Variants in SLC35E2B observed in about 807,000 individuals in gnomAD.
The protein encoded by SLC35E2B is solute carrier family 35 member E2B, also known as solute carrier family 35, member E2B.
A neutral mutation model predicts 32.4 loss-of-function variants in SLC35E2B; 18 were observed. The ratio of observed to expected loss-of-function variants is 0.56; its 90% CI spans 0.38 to 0.82. The LOEUF is 0.82. Ranked by LOEUF, SLC35E2B falls within the 40% of genes least tolerant of loss-of-function variation. The pLI is 0.00. For missense variants in SLC35E2B, 263 were observed against 469.5 expected (o/e 0.56, Z 4.06); for synonymous variants, 132 against 209.1 (o/e 0.63, Z 3.18).
chr1:1,679,688 C>T (rs1221476604), intron 2 of SLC35E2B, among the ~76,000 whole-genome samples: 3 of 151,014 alleles, frequency 2.0e-5, no homozygotes, highest in South Asian at 2.1e-4. Flanking sequence ...AAAAATCAGC[C>T]GGGTGTGGTG....
chr1:1,684,420 T>C (rs1643926960), intron 2 of SLC35E2B, among the ~76,000 whole-genome samples: 1 of 152,112 alleles, frequency 6.6e-6, no homozygotes, highest in African/African-American at 2.4e-5. Flanking sequence ...ACTCAGACCA[T>C]GGTAAGTGGG....
intron 2 of SLC35E2B, among the ~76,000 whole-genome samples, chr1:1,685,160 G>A (rs954642766): frequency 4.6e-5 from 7 of 151,128 alleles, no homozygotes; most frequent in East Asian, 1.9e-4. Flanking sequence ...GTTGGTTCAT[G>A]CTTGTAATCC....
chr1:1,684,297 C>G lies in SLC35E2B; in HGVS notation c.-148+6679G>C, dbSNP rs183419188. Among the ~76,000 whole-genome samples, 20 of 152,260 alleles carry G rather than the reference C, an allele frequency of 1.3e-4. 1 individual carries two copies. The highest frequency in any genetic ancestry group is 1.3e-3 in the Admixed American group (20 of 15,292). On this transcript the variant is annotated intron_variant, in intron 2 of 9. Coordinates refer to ENST00000617444, the MANE Select transcript of SLC35E2B (RefSeq NM_001290264.2). ...GTGGCTATAAGCGCGCTGAGCCGCT[C>G]GTGAAATTCAGACAACCCCACCGGA... is the stretch of plus-strand genomic sequence containing the variant.
chr1:1,674,868 G>A (rs61776786), intron 5 of SLC35E2B, among the ~76,000 whole-genome samples: 54,509 of 151,962 alleles, frequency 0.36, 11,783 homozygotes, highest in Non-Finnish European at 0.49. Context: ...AAGACGCCGC[G>A]CTCTGTGGGC....
At chr1:1,674,643 A>C (rs1054645947) in intron 5 of SLC35E2B, among the ~76,000 whole-genome samples, 8 of 151,118 alleles carry the variant, frequency 5.3e-5, no homozygotes, top group Non-Finnish European at 1.0e-4. Context: ...CAAAAAAAAA[A>C]AAACAAAAAA....
rs1464169671 is a variant in SLC35E2B at position 1,692,519 on chromosome 1, G to A, written c.-636C>T. The A allele has an allele frequency of 2.0e-6, 2 of 985,298 alleles. No individual in the cohort carries two copies. The highest frequency in any genetic ancestry group is 2.4e-6 in the Non-Finnish European group (2 of 830,094). 61.0% of individuals were successfully genotyped at this position (985,298 alleles called of 1,614,324 possible). On this transcript the variant is annotated 5_prime_UTR_variant, in exon 1 of 10. The change creates a premature stop within an existing upstream ORF in the 5' untranslated region. Transcript: ENST00000617444. The stretch of plus-strand genomic sequence containing the variant: ...GGCGCCTTCACAACAAAGGGACGCT[G>A]GCGGGCGGGGCCTGAGAGGCGCGCG...
At chr1:1,679,813 C>T (rs1227060991) in intron 2 of SLC35E2B, among the ~76,000 whole-genome samples, 4 of 136,152 alleles carry the variant, frequency 2.9e-5, no homozygotes, top group Non-Finnish European at 6.1e-5. Flanking sequence ...GCCTGAGCAA[C>T]AGAGCGAGAC....
At chr1:1,668,739 C>T (rs1643608247) in intron 8 of SLC35E2B, among the ~76,000 whole-genome samples, 1 of 152,114 alleles carries the variant, frequency 6.6e-6, no homozygotes, top group South Asian at 2.1e-4. Context: ...AGAGGCTGAA[C>T]GTCACCATCA....
chr1:1,666,357 C>T (rs1351667272), intron 9 of SLC35E2B, among the ~76,000 whole-genome samples: 2 of 152,194 alleles, frequency 1.3e-5, no homozygotes, highest in Admixed American at 1.3e-4. Flanking sequence ...CGGCCACGTC[C>T]TGTGATCTAG....
At chr1:1,675,643 C>G in intron 4 of SLC35E2B, 53 bp from the exon 5 acceptor site, 1 of 1,445,374 alleles carries the variant, frequency 6.9e-7, no homozygotes, top group Non-Finnish European at 9.2e-7. Flanking sequence ...TCTGCCTGCA[C>G]CCACCGGGCA....
intron 9 of SLC35E2B, among the ~76,000 whole-genome samples, chr1:1,667,928 C>T (rs1381692353): frequency 6.6e-6 from 1 of 151,422 alleles, no homozygotes; most frequent in African/African-American, 2.4e-5. Flanking sequence ...TCTCAACTCA[C>T]TGTAACCTCC....
chr1:1,662,350 C>T lies in SLC35E2B; in HGVS notation c.*3432G>A, dbSNP rs1233724433. 23 of 867,456 alleles carry T rather than the reference C, an allele frequency of 2.7e-5. No homozygotes were observed. In the Admixed American group the frequency reaches 5.9e-4, roughly 22 times the overall value. 53.7% of individuals were successfully genotyped at this position (867,456 alleles called of 1,614,324 possible). A position where few individuals can be genotyped will look rare whatever the true frequency, so the allele number is the denominator to read the frequency against. The stretch of plus-strand genomic sequence containing the variant: ...CAACAGTGAAATACTTCCAGGCCTT[C>T]GAAAGGCCATCCTTTGGACACATGT... On this transcript the variant is annotated 3_prime_UTR_variant, in exon 10 of 10. Coordinates refer to ENST00000617444, the MANE Select transcript of SLC35E2B (RefSeq NM_001290264.2).
In SLC35E2B at chr1:1,662,387, T is replaced by C. The variant is rs1383055849; in HGVS notation, c.*3395A>G. 1.1e-6 allele frequency: 1 copy of C among 891,066 alleles called. No individual in the cohort carries two copies. The highest frequency in any genetic ancestry group is 1.3e-6 in the Non-Finnish European group (1 of 755,256). The allele number at this position is 891,066 out of a possible 1,614,324, so 55.2% of individuals were successfully genotyped here. A position where few individuals can be genotyped will look rare whatever the true frequency, so the allele number is the denominator to read the frequency against. The stretch of plus-strand genomic sequence containing the variant: ...CTTTGGACACATGTAAAAAGCTGTC[T>C]TGTTGGCCTGTTATTCCCACTGACC... On this transcript the variant is annotated 3_prime_UTR_variant, in exon 10 of 10. Coordinates refer to ENST00000617444, the MANE Select transcript of SLC35E2B (RefSeq NM_001290264.2).
chr1:1,662,936 A>G lies in SLC35E2B; in HGVS notation c.*2846T>C, dbSNP rs1218905043. On this transcript the variant is annotated 3_prime_UTR_variant, in exon 10 of 10. Coordinates refer to ENST00000617444, the MANE Select transcript of SLC35E2B (RefSeq NM_001290264.2). The stretch of plus-strand genomic sequence containing the variant: ...AAAGTATTACACAAAGTTATTTTAA[A>G]AAATGTCTGTACAATCGTTAACACG... 1 of 888,090 alleles carries G rather than the reference A, an allele frequency of 1.1e-6. No homozygotes were observed. Among genetic ancestry groups the G allele is most frequent in the Non-Finnish European group, 1.4e-6 (1 of 739,652 alleles). 55.0% of individuals were successfully genotyped at this position (888,090 alleles called of 1,614,324 possible). A position where few individuals can be genotyped will look rare whatever the true frequency, so the allele number is the denominator to read the frequency against.
chr1:1,680,334 G>A (rs1482022895), intron 2 of SLC35E2B, among the ~76,000 whole-genome samples: 1 of 152,044 alleles, frequency 6.6e-6, no homozygotes, highest in Non-Finnish European at 1.5e-5. Flanking sequence ...AAAATTAAAA[G>A]AGCTTAAACA....
intron 2 of SLC35E2B, among the ~76,000 whole-genome samples, chr1:1,683,790 A>C (rs1163333887): frequency 6.6e-6 from 1 of 152,054 alleles, no homozygotes; most frequent in Non-Finnish European, 1.5e-5. Flanking sequence ...GGTGATCTGA[A>C]CCACTCCTGT....
intron 8 of SLC35E2B, among the ~76,000 whole-genome samples, chr1:1,668,718 A>C (rs1344753037): frequency 6.6e-6 from 1 of 152,160 alleles, no homozygotes; most frequent in Non-Finnish European, 1.5e-5. Context: ...AATGGACAAC[A>C]AGCACATGAA....
intron 8 of SLC35E2B, 124 bp from the exon 9 acceptor site, chr1:1,668,596 C>G: frequency 6.4e-7 from 1 of 1,564,106 alleles, no homozygotes; most frequent in Non-Finnish European, 8.7e-7. Flanking sequence ...GAGGACAGCC[C>G]TGAAAATGCC....
intron 9 of SLC35E2B, 134 bp downstream of exon 9, chr1:1,668,193 G>C: frequency 7.6e-7 from 1 of 1,311,888 alleles, no homozygotes; most frequent in Non-Finnish European, 1.0e-6. Flanking sequence ...AAATAGCCTA[G>C]TAATTACACT....
Sources: gnomAD v4.1 joint callset for allele counts (sites outside exome capture counted in the v4.1 genomes callset) on GRCh38, gnomAD v4.1.1 for gene constraint, MANE v1.5 for transcripts, NCBI Gene and HGNC (gene_info 2026-07-23, HGNC 2026-07-21) for gene names.